Variants in CUBN observed in about 807,000 individuals in gnomAD.
CUBN encodes the protein cubilin.
CUBN carries 282 observed loss-of-function variants against 405.3 expected under a neutral mutation model. That is an observed-to-expected ratio of 0.70 (90% confidence interval 0.63 to 0.77). CUBN has a LOEUF of 0.77. CUBN is among the 30% of genes least tolerant of loss of function. The probability of loss-of-function intolerance (pLI) is 0.00; values close to 1 mark genes in which losing one functional copy is unlikely to be tolerated. For synonymous variants in CUBN, 1,684 were observed against 1,617.0 expected (o/e 1.04, Z -0.99); for missense variants, 4,514 against 4,475.2 (o/e 1.01, Z -0.25).
chr10:16,890,294 G>A, intron 55 of CUBN, 77 bp downstream of exon 55: 1 of 1,490,996 alleles, frequency 6.7e-7, no homozygotes, highest in Non-Finnish European at 9.3e-7. Context: ...TAGACCCCCA[G>A]GTTTAGCCAA....
At position 17,123,087 on chromosome 10, in the gene CUBN, C is replaced by A. The variant is rs116507419; in HGVS notation, c.490-189G>T. ...AACTCAGATTTCACCTAATAGAACA[C>A]AAGAGCTCTTCATAAGATCACAGCA... On this transcript the variant is annotated intron_variant, in intron 5 of 66. Coordinates refer to ENST00000377833, the MANE Select transcript of CUBN (RefSeq NM_001081.4). Among the ~76,000 whole-genome samples, 834 of 152,318 alleles carry A rather than the reference C, an allele frequency of 5.5e-3. 11 individuals are homozygous for A. Among genetic ancestry groups the A allele is most frequent in the African/African-American group, 0.019 (798 of 41,574 alleles).
intron 43 of CUBN, among the ~76,000 whole-genome samples, chr10:16,921,299 C>T (rs549735110): frequency 5.3e-5 from 8 of 152,252 alleles, no homozygotes; most frequent in Admixed American, 5.2e-4. Flanking sequence ...TTATTACTAT[C>T]CTCAATAAAT....
chr10:16,970,942 T>C (rs1384196230), intron 31 of CUBN, among the ~76,000 whole-genome samples: 1 of 152,218 alleles, frequency 6.6e-6, no homozygotes, highest in Non-Finnish European at 1.5e-5. Context: ...TATAGGTTTA[T>C]GACAGTTAAT....
At position 17,101,165 on chromosome 10, in the gene CUBN, A is replaced by T. The variant is rs45593737; in HGVS notation, c.1531-926T>A. 6.0e-3 allele frequency among the ~76,000 whole-genome samples: 914 copies of T among 152,316 alleles called. 4 individuals carry two copies. The highest frequency in any genetic ancestry group is 0.011 in the Non-Finnish European group (743 of 68,010). Reference sequence around the variant, plus strand: ...TATTACTACATGACTTTCTTAAAACAGTTTAAATGAAACTCAAATGTTCAC... The same window carrying T: ...TATTACTACATGACTTTCTTAAAACTGTTTAAATGAAACTCAAATGTTCAC... On this transcript the variant is annotated intron_variant, in intron 13 of 66. Transcript: ENST00000377833.
chr10:16,952,653 CATT>C (rs1311210667), intron 32 of CUBN, among the ~76,000 whole-genome samples: 1 of 152,210 alleles, frequency 6.6e-6, no homozygotes, highest in Non-Finnish European at 1.5e-5. Context: ...TTGCCTAAGT[CATT>C]CAAACAAAAT....
intron 23 of CUBN, among the ~76,000 whole-genome samples, chr10:17,046,480 T>C (rs912581383): frequency 6.6e-6 from 1 of 152,180 alleles, no homozygotes; most frequent in African/African-American, 2.4e-5. Flanking sequence ...TTCAACGTTT[T>C]CCTTCTGATT....
intron 21 of CUBN, among the ~76,000 whole-genome samples, chr10:17,066,103 T>A (rs1390720355): frequency 6.6e-6 from 1 of 152,172 alleles, no homozygotes; most frequent in Non-Finnish European, 1.5e-5. Context: ...GTTTTGAGAA[T>A]GTGATGAGTT....
intron 14 of CUBN, among the ~76,000 whole-genome samples, chr10:17,097,710 C>T (rs1836405236): frequency 1.3e-5 from 2 of 152,062 alleles, no homozygotes; most frequent in Admixed American, 6.5e-5. Flanking sequence ...AAAGTTGATT[C>T]ACCATTCAAA....
chr10:16,998,258 T>C (rs573392002), intron 28 of CUBN, among the ~76,000 whole-genome samples: 60 of 152,148 alleles, frequency 3.9e-4, no homozygotes, highest in Middle Eastern at 3.4e-3. Context: ...AATGAGATCA[T>C]ACTGGATTGG....
rs554238693 is a variant in CUBN at position 16,872,986 on chromosome 10, T to G, written c.9236+1388A>C. Among the ~76,000 whole-genome samples the G allele has an allele frequency of 2.1e-4, 32 of 152,308 alleles. 1 individual carries two copies. The South Asian group carries it at 6.4e-3, about 31-fold the overall frequency. On this transcript the variant is annotated intron_variant, in intron 58 of 66. Coordinates refer to ENST00000377833, the MANE Select transcript of CUBN (RefSeq NM_001081.4). ...AAATCAGGCTTGATGAGAGATGTCT[T>G]TCATCAAGACATCTCTTGTTCACTT...
chr10:17,002,194 C>T (rs536969387), intron 28 of CUBN, among the ~76,000 whole-genome samples: 5 of 152,194 alleles, frequency 3.3e-5, no homozygotes, highest in African/African-American at 1.2e-4. Context: ...TGGCTTAGAA[C>T]TCAAGTTTCT....
intron 22 of CUBN, among the ~76,000 whole-genome samples, chr10:17,049,770 C>G (rs1835221237): frequency 6.6e-6 from 1 of 152,130 alleles, no homozygotes; most frequent in Non-Finnish European, 1.5e-5. Context: ...TACACTCTTA[C>G]CCATCATTTA....
intron 17 of CUBN, among the ~76,000 whole-genome samples, chr10:17,082,922 C>T (rs1373943732): frequency 2.0e-5 from 3 of 152,132 alleles, no homozygotes; most frequent in Non-Finnish European, 4.4e-5. Context: ...ACTTACCACA[C>T]ATGGCAGGCA....
intron 14 of CUBN, among the ~76,000 whole-genome samples, chr10:17,089,981 T>G (rs1337580803): frequency 6.6e-6 from 1 of 152,074 alleles, no homozygotes; most frequent in Non-Finnish European, 1.5e-5. Flanking sequence ...CTGGGTATGG[T>G]GGTGCGTGTC....
intron 48 of CUBN, among the ~76,000 whole-genome samples, chr10:16,910,272 C>A (rs1841689332): frequency 6.6e-6 from 1 of 151,910 alleles, no homozygotes; most frequent in Non-Finnish European, 1.5e-5. Context: ...CTTTCTTCTT[C>A]TTCCTCTTTC....
chr10:16,990,485 C>T lies in CUBN; in HGVS notation c.4199G>A (p.Gly1400Asp), dbSNP rs1415181825. 6.2e-7 allele frequency: 1 copy of T among 1,614,156 alleles called. No homozygotes were observed. Among genetic ancestry groups the T allele is most frequent in the South Asian group, 1.1e-5 (1 of 91,082 alleles). The part of the protein sequence containing the change: ...GCGGELSGAT[G>D]SFSSPGFPNR... ...GGGGAACCCGGGGCTGCTGAAGGAG[C>T]CTGTGGCCCCAGACAGCTCTCCACC... is the stretch of plus-strand genomic sequence containing the variant. Residue 1400 changes from glycine (G) to aspartate (D), a missense_variant, in exon 29 of 67, where the codon GGC becomes GAC. This residue lies in a region of CUBN where 1,613 missense variants were observed against 1,542.8 expected (regional missense o/e 1.05). Transcript: ENST00000377833.
At chr10:17,032,580 T>A (rs928250751) in intron 27 of CUBN, among the ~76,000 whole-genome samples, 1 of 152,212 alleles carries the variant, frequency 6.6e-6, no homozygotes, top group Non-Finnish European at 1.5e-5. Flanking sequence ...TTGGTAGTAG[T>A]GTCTAGCACA....
rs11254234 is a variant in CUBN at position 16,830,958 on chromosome 10, A to G, written c.10528+294T>C. Among the ~76,000 whole-genome samples, 5,280 of 152,164 alleles carry G rather than the reference A, an allele frequency of 0.035. 123 individuals carry two copies. Among genetic ancestry groups the G allele is most frequent in the Non-Finnish European group, 0.051 (3,493 of 67,992 alleles). Reference sequence around the variant, plus strand: ...AAAAATCGGCTGGGCATGGTGGCGCATGCCTGTAATCTCAGCTACTTGGGA... The same window carrying G: ...AAAAATCGGCTGGGCATGGTGGCGCGTGCCTGTAATCTCAGCTACTTGGGA... On this transcript the variant is annotated intron_variant, in intron 65 of 66. Transcript: ENST00000377833.
intron 31 of CUBN, among the ~76,000 whole-genome samples, chr10:16,975,145 A>T (rs1833053391): frequency 6.6e-6 from 1 of 152,152 alleles, no homozygotes; most frequent in Admixed American, 6.5e-5. Context: ...GCATTATCTG[A>T]TTCTGACAAC....
Sources: gnomAD v4.1 joint callset for allele counts (sites outside exome capture counted in the v4.1 genomes callset) on GRCh38, gnomAD v4.1.1 for gene constraint, gnomAD v4.1.1 regional missense constraint, MANE v1.5 for transcripts, NCBI Gene and HGNC (gene_info 2026-07-23, HGNC 2026-07-21) for gene names.